Variants in RNF169 observed in about 807,000 individuals in gnomAD.
RNF169 encodes the protein ring finger protein 169.
A neutral mutation model predicts 53.9 loss-of-function variants in RNF169; 24 were observed. The ratio of observed to expected loss-of-function variants is 0.45; its 90% CI spans 0.32 to 0.63. The LOEUF is 0.63. Ranked by LOEUF, RNF169 falls within the 20% of genes least tolerant of loss-of-function variation. The pLI is 0.04. For missense variants in RNF169, 883 were observed against 906.2 expected, an observed-to-expected ratio of 0.97 and a Z score of 0.33; for synonymous variants, 396 against 363.5, an observed-to-expected ratio of 1.09 and a Z score of -1.02.
At chr11:74,760,323 T>C (rs1439067853) in intron 1 of RNF169, among the ~76,000 whole-genome samples, 2 of 152,212 alleles carry the variant, frequency 1.3e-5, no homozygotes, top group African/African-American at 2.4e-5. Context: ...AGTTCTGCTC[T>C]GATTTTAGTT....
At chr11:74,785,311 ATATGT>A (rs1368809929) in intron 1 of RNF169, among the ~76,000 whole-genome samples, 1 of 145,382 alleles carries the variant, frequency 6.9e-6, no homozygotes, top group East Asian at 1.9e-4. Context: ...AGATATATAT[ATATGT>A]TATATATATT....
chr11:74,792,409 C>G (rs2035591564), intron 2 of RNF169, among the ~76,000 whole-genome samples: 1 of 148,672 alleles, frequency 6.7e-6, no homozygotes, highest in Admixed American at 6.7e-5. Context: ...AGTAGGGTTT[C>G]TTTTTTTTTT....
chr11:74,816,088 C>T (rs371655484), intron 3 of RNF169, among the ~76,000 whole-genome samples: 6 of 152,118 alleles, frequency 3.9e-5, no homozygotes, highest in African/African-American at 1.2e-4. Context: ...TCTCAAAGGC[C>T]AGCTGTTAGC....
intron 2 of RNF169, among the ~76,000 whole-genome samples, chr11:74,796,157 G>T (rs943868828): frequency 8.6e-5 from 13 of 151,968 alleles, no homozygotes; most frequent in Admixed American, 7.9e-4. Flanking sequence ...TCTATCTTTT[G>T]GGTATTTGTG....
At position 74,798,160 on chromosome 11, in the gene RNF169, C is replaced by G. The variant is rs547990369; in HGVS notation, c.576+8461C>G. 4.6e-5 allele frequency among the ~76,000 whole-genome samples: 7 copies of G among 152,326 alleles called. No individual in the cohort carries two copies. In the South Asian group the frequency reaches 1.5e-3, roughly 32 times the overall value. ...AAATCTGGGCACCCTAAAAAAAGAA[C>G]AAGATAACAGCAATGTTTAGGAAAC... On this transcript the variant is annotated intron_variant, in intron 2 of 5. Transcript: ENST00000299563.
At chr11:74,822,964 C>A (rs1330701902) in intron 4 of RNF169, among the ~76,000 whole-genome samples, 1 of 152,084 alleles carries the variant, frequency 6.6e-6, no homozygotes, top group Non-Finnish European at 1.5e-5. Context: ...TTACCGCCTC[C>A]ATTTTTTTTT....
intron 2 of RNF169, among the ~76,000 whole-genome samples, chr11:74,794,469 G>T (rs2035619988): frequency 6.6e-6 from 1 of 152,194 alleles, no homozygotes; most frequent in African/African-American, 2.4e-5. Flanking sequence ...AGGATTGCTA[G>T]CATATATAAA....
intron 1 of RNF169, among the ~76,000 whole-genome samples, chr11:74,769,237 A>C (rs1275028699): frequency 6.6e-6 from 1 of 152,248 alleles, no homozygotes; most frequent in Non-Finnish European, 1.5e-5. Context: ...TAGAAGAAGG[A>C]AACTGAAAGT....
intron 4 of RNF169, among the ~76,000 whole-genome samples, chr11:74,825,922 G>A (rs997088897): frequency 2.6e-5 from 4 of 152,146 alleles, no homozygotes; most frequent in African/African-American, 9.7e-5. Flanking sequence ...GTGGCTGGGG[G>A]AGGCCTCAGG....
At chr11:74,758,737 C>T (rs1436473880) in intron 1 of RNF169, among the ~76,000 whole-genome samples, 1 of 152,142 alleles carries the variant, frequency 6.6e-6, no homozygotes, top group East Asian at 1.9e-4. Flanking sequence ...ATCTCCTGAC[C>T]TCGTGATCCG....
chr11:74,809,888 C>G (rs951385710), intron 2 of RNF169, among the ~76,000 whole-genome samples: 41 of 152,146 alleles, frequency 2.7e-4, no homozygotes, highest in African/African-American at 9.9e-4. Flanking sequence ...CAGGCTTAGC[C>G]CTTTTTGGCT....
chr11:74,780,393 C>T (rs1011155069), intron 1 of RNF169, among the ~76,000 whole-genome samples: 2 of 152,224 alleles, frequency 1.3e-5, no homozygotes, highest in Admixed American at 6.5e-5. Context: ...GTCTATCTGA[C>T]ACAACATAGT....
chr11:74,797,020 C>G (rs1458179959), intron 2 of RNF169, among the ~76,000 whole-genome samples: 1 of 152,158 alleles, frequency 6.6e-6, no homozygotes, highest in Non-Finnish European at 1.5e-5. Context: ...CCCTGGCCTT[C>G]TGGTTCATTT....
chr11:74,824,692 A>G (rs778030688), intron 4 of RNF169, among the ~76,000 whole-genome samples: 1 of 152,248 alleles, frequency 6.6e-6, no homozygotes, highest in Non-Finnish European at 1.5e-5. Context: ...AAGAGACAGG[A>G]AGTGAGCACA....
At chr11:74,808,483 T>G (rs2035834104) in intron 2 of RNF169, among the ~76,000 whole-genome samples, 1 of 152,186 alleles carries the variant, frequency 6.6e-6, no homozygotes, top group African/African-American at 2.4e-5. Context: ...TTCTGGCAAG[T>G]TGGGGAGGGA....
intron 1 of RNF169, among the ~76,000 whole-genome samples, chr11:74,775,281 T>G (rs1355549556): frequency 1.3e-5 from 2 of 152,326 alleles, no homozygotes; most frequent in East Asian, 3.9e-4. Context: ...TCTTATACAT[T>G]AATAGGGATG....
intron 4 of RNF169, among the ~76,000 whole-genome samples, chr11:74,830,076 G>T (rs993497522): frequency 6.6e-6 from 1 of 152,014 alleles, no homozygotes; most frequent in African/African-American, 2.4e-5. Flanking sequence ...TGAAAGCAGC[G>T]CTCAGAGGGA....
intron 1 of RNF169, among the ~76,000 whole-genome samples, chr11:74,763,029 A>G (rs1233136631): frequency 6.6e-6 from 1 of 152,224 alleles, no homozygotes; most frequent in Non-Finnish European, 1.5e-5. Flanking sequence ...CTAGAAAAAG[A>G]AAATCTTCCC....
chr11:74,836,431 C>G lies in RNF169; in HGVS notation c.1828C>G (p.Leu610Val), dbSNP rs761219387. 6 of 1,614,064 alleles carry G rather than the reference C, an allele frequency of 3.7e-6. No individual in the cohort carries two copies. The African/African-American group carries it at 6.7e-5, about 18-fold the overall frequency. Residue 610 changes from leucine (L) to valine (V), a missense_variant, in exon 6 of 6, where the codon CTA (leucine) becomes GTA (valine). Coordinates refer to ENST00000299563, the MANE Select transcript of RNF169 (RefSeq NM_001098638.2). ...GACTAATGGTGTTCTAGTTGAGAGC[C>G]TAAGTGAAGAGCCACTTCCTTCTTT... ...DLTNGVLVES[L>V]SEEPLPSLRR...
Sources: allele counts gnomAD v4.1 joint callset (sites outside exome capture counted in the v4.1 genomes callset), GRCh38; gene constraint gnomAD v4.1.1; transcripts MANE v1.5; gene names NCBI Gene and HGNC (gene_info 2026-07-23, HGNC 2026-07-21).